Variants in PLEKHA8 observed in about 807,000 individuals in gnomAD.
PLEKHA8 encodes pleckstrin homology domain-containing family A member 8.
Under a neutral mutation model 68.2 loss-of-function variants are expected in PLEKHA8, and 36 were observed. The ratio of observed to expected loss-of-function variants is 0.53; its 90% confidence interval spans 0.40 to 0.70. PLEKHA8 has a LOEUF of 0.70. Ranked by LOEUF, PLEKHA8 falls within the 30% of genes least tolerant of loss-of-function variation. PLEKHA8 has a pLI of 0.00. For synonymous variants in PLEKHA8, 211 were observed against 216.1 expected (o/e 0.98, Z 0.20); for missense variants, 505 against 615.4 (o/e 0.82, Z 1.90).
At chr7:30,068,043 T>A (rs187374022) in intron 12 of PLEKHA8, among the ~76,000 whole-genome samples, 16 of 152,362 alleles carry the variant, frequency 1.1e-4, no homozygotes, top group African/African-American at 3.8e-4. Flanking sequence ...GGACTCTGGC[T>A]GTCTACAGAC....
At chr7:30,033,697 A>G (rs1790830054) in intron 1 of PLEKHA8, among the ~76,000 whole-genome samples, 1 of 152,178 alleles carries the variant, frequency 6.6e-6, no homozygotes, top group Non-Finnish European at 1.5e-5. Context: ...GTCCTATGAT[A>G]ACTCTTTATT....
intron 12 of PLEKHA8, among the ~76,000 whole-genome samples, chr7:30,067,835 A>G (rs1259582474): frequency 6.6e-6 from 1 of 152,204 alleles, no homozygotes; most frequent in African/African-American, 2.4e-5. Context: ...TTAGCATTTC[A>G]TTGTATGAAT....
intron 13 of PLEKHA8, among the ~76,000 whole-genome samples, chr7:30,103,870 A>T (rs1010276145): frequency 3.3e-5 from 5 of 152,360 alleles, no homozygotes; most frequent in African/African-American, 1.2e-4. Flanking sequence ...ACTATAAAGA[A>T]AAAAGTGACA....
intron 13 of PLEKHA8, chr7:30,116,016 A>G (rs1454436352): frequency 4.7e-5 from 7 of 148,444 alleles, no homozygotes; most frequent in African/African-American, 1.7e-4. Context: ...ATACATACGC[A>G]TACATACGTA....
At chr7:30,056,337 AC>A (rs1792909078) in intron 9 of PLEKHA8, among the ~76,000 whole-genome samples, 3 of 121,468 alleles carry the variant, frequency 2.5e-5, no homozygotes, top group Non-Finnish European at 5.2e-5. Context: ...TATATAAATA[AC>A]ATATATATAA....
chr7:30,061,898 A>G lies in PLEKHA8; in HGVS notation c.1100A>G (p.Lys367Arg), dbSNP rs1793465141. 3 of 1,613,780 alleles carry G rather than the reference A, an allele frequency of 1.9e-6. No individual in the cohort carries two copies. Among genetic ancestry groups the G allele is most frequent in the South Asian group, 2.2e-5 (2 of 91,072 alleles). ...VKMDLVGNIK[K>R]VNQKYITNKE... ...GTTGTTTCCCTGCTTTCCCTCCAGA[A>G]AGTAAATCAGAAGTATATAACCAAC... is the stretch of plus-strand genomic sequence containing the variant. Residue 367 changes from lysine to arginine, a missense_variant and splice_region_variant, in exon 11 of 14, where the codon AAA becomes AGA. Coordinates refer to ENST00000449726, the MANE Select transcript of PLEKHA8 (RefSeq NM_001197026.2).
chr7:30,073,316 A>G (rs1482316993), intron 12 of PLEKHA8, among the ~76,000 whole-genome samples: 1 of 152,194 alleles, frequency 6.6e-6, no homozygotes, highest in Non-Finnish European at 1.5e-5. Flanking sequence ...TAGAATGTTA[A>G]AATTGGAAAA....
At chr7:30,095,684 C>T (rs1258910980), downstream of PLEKHA8, among the ~76,000 whole-genome samples, 1 of 152,154 alleles carries the variant, frequency 6.6e-6, no homozygotes, top group Non-Finnish European at 1.5e-5. Flanking sequence ...TTTAATCCAT[C>T]TTGAATTAAT....
chr7:30,062,102 A>G, intron 11 of PLEKHA8, 75 bp downstream of exon 11: 2 of 1,507,636 alleles, frequency 1.3e-6, no homozygotes, highest in Non-Finnish European at 1.8e-6. Context: ...TTGTTACACA[A>G]AGGAGACTAC....
intron 13 of PLEKHA8, among the ~76,000 whole-genome samples, chr7:30,105,684 G>A (rs957553352): frequency 2.0e-5 from 3 of 152,194 alleles, no homozygotes; most frequent in African/African-American, 7.2e-5. Flanking sequence ...ATGGCTAAAA[G>A]GGGTAGGCAG....
chr7:30,068,750 G>A (rs1166090541), intron 12 of PLEKHA8, among the ~76,000 whole-genome samples: 1 of 152,106 alleles, frequency 6.6e-6, no homozygotes, highest in Non-Finnish European at 1.5e-5. Flanking sequence ...AATCAGACAT[G>A]TCATTCTTTC....
intron 1 of PLEKHA8, among the ~76,000 whole-genome samples, chr7:30,041,820 CT>C (rs906392213): frequency 5.9e-5 from 9 of 151,332 alleles, no homozygotes; most frequent in South Asian, 2.1e-4. Context: ...TTAGGACACT[CT>C]TTTTTTTTCA....
At chr7:30,052,651 A>C in intron 6 of PLEKHA8, 58 bp from the exon 7 acceptor site, 1 of 1,429,300 alleles carries the variant, frequency 7.0e-7, no homozygotes, top group South Asian at 1.5e-5. Context: ...AAAAAAAAAA[A>C]AAAAAAAAAG....
At chr7:30,120,412 A>G (rs1054477726) in intron 13 of PLEKHA8, among the ~76,000 whole-genome samples, 1 of 152,240 alleles carries the variant, frequency 6.6e-6, no homozygotes, top group Non-Finnish European at 1.5e-5. Context: ...CTTTATTTGA[A>G]TACAATTTAA....
At chr7:30,096,094 T>C (rs1024631852) in intron 13 of PLEKHA8, among the ~76,000 whole-genome samples, 1 of 152,148 alleles carries the variant, frequency 6.6e-6, no homozygotes, top group Non-Finnish European at 1.5e-5. Context: ...GGATGGCATT[T>C]AATCTATAAA....
At chr7:30,056,312 C>CTCTCTCTCTCTCTCTCTATATA (rs796845171) in intron 9 of PLEKHA8, among the ~76,000 whole-genome samples, 7 of 94,556 alleles carry the variant, frequency 7.4e-5, no homozygotes, top group South Asian at 3.8e-4. Context: ...CTCTCTCTCT[C>CTCTCTCTCTCTCTCTCTATATA]TATATATATA....
Position 30,114,174 on chromosome 7 carries a change from C to A in PLEKHA8, c.1363-15092C>A, listed in dbSNP as rs535864044. On this transcript the variant is annotated intron_variant, in intron 13 of 13. Transcript: ENST00000396257. Reference sequence around the variant, plus strand: ...TCAGTCCCCCAAAGTGCTGGGATTACAGGAGTGAGACACACCTGCCCTACT... The same window carrying A: ...TCAGTCCCCCAAAGTGCTGGGATTAAAGGAGTGAGACACACCTGCCCTACT... Among the ~76,000 whole-genome samples the A allele has an allele frequency of 4.3e-4, 66 of 152,330 alleles. No homozygotes were observed. In the South Asian group the frequency reaches 7.5e-3, roughly 17 times the overall value.
At chr7:30,085,264 G>T (rs1795138784), downstream of PLEKHA8, among the ~76,000 whole-genome samples, 1 of 152,096 alleles carries the variant, frequency 6.6e-6, no homozygotes, top group African/African-American at 2.4e-5. Context: ...TTATGAAACT[G>T]TTTAAAACCT....
intron 13 of PLEKHA8, among the ~76,000 whole-genome samples, chr7:30,105,739 T>G (rs1583473908): frequency 6.6e-6 from 1 of 151,886 alleles, no homozygotes. Context: ...CACTCAAGAG[T>G]TTTCCTCCAG....
Sources: gnomAD v4.1 joint callset for allele counts (sites outside exome capture counted in the v4.1 genomes callset) on GRCh38, gnomAD v4.1.1 for gene constraint, MANE v1.5 for transcripts, NCBI Gene and HGNC (gene_info 2026-07-23, HGNC 2026-07-21) for gene names.